LCOR: variants seen among roughly 807,000 people sequenced by gnomAD.
LCOR encodes the protein ligand-dependent corepressor.
Under a neutral mutation model 64.4 loss-of-function variants are expected in LCOR, and 14 were observed. The observed-to-expected ratio is 0.22, with a 90% CI of 0.14 to 0.34. The LOEUF (loss-of-function observed/expected upper bound fraction) is 0.34, where lower values mean the gene tolerates loss of function less well. LCOR is among the 10% of genes least tolerant of loss of function. The pLI is 1.00. For synonymous variants in LCOR, 643 were observed against 642.5 expected, an observed-to-expected ratio of 1.00 and a Z score of -0.01; for missense variants, 1,686 against 1,765.3, an observed-to-expected ratio of 0.96 and a Z score of 0.80.
intron 2 of LCOR, among the ~76,000 whole-genome samples, chr10:96,850,915 T>A (rs1462673431): frequency 6.6e-6 from 1 of 152,216 alleles, no homozygotes; most frequent in Admixed American, 6.5e-5. Flanking sequence ...AGAAAGATAC[T>A]GACTACAGCT....
chr10:96,984,052 A>C lies in LCOR; in HGVS notation c.3592A>C (p.Ile1198Leu). Residue 1198 changes from isoleucine (I) to leucine (L), a missense_variant, in exon 8 of 8, where the codon ATT (isoleucine) becomes CTT (leucine). Transcript: ENST00000421806. ...LETTETRSLV[I>L]VKKLNTRLPG... Reference sequence around the variant, plus strand: ...GACAACTGAAACCCGGTCTCTAGTCATTGTGAAGAAGCTCAATACTCGCCT... The same window carrying C: ...GACAACTGAAACCCGGTCTCTAGTCCTTGTGAAGAAGCTCAATACTCGCCT... The C allele has an allele frequency of 6.2e-7, 1 of 1,613,960 alleles. No individual in the cohort carries two copies. Among genetic ancestry groups the C allele is most frequent in the Non-Finnish European group, 8.5e-7 (1 of 1,179,956 alleles).
chr10:96,917,754 G>T (rs186061995), intron 4 of LCOR, among the ~76,000 whole-genome samples: 1 of 152,292 alleles, frequency 6.6e-6, no homozygotes, highest in South Asian at 2.1e-4. Context: ...AGAGATGTGC[G>T]TAGAGAATCT....
At chr10:96,956,172 T>C in intron 7 of LCOR, 1 of 1,275,126 alleles carries the variant, frequency 7.8e-7, no homozygotes. Flanking sequence ...TTGAGTTACC[T>C]CACAGAGAAC....
intron 4 of LCOR, chr10:96,915,856 C>A: frequency 2.0e-6 from 1 of 495,272 alleles, no homozygotes. Flanking sequence ...AGTCCTTTAA[C>A]TTGGCATTAT....
chr10:96,849,592 A>G (rs1160337922), intron 2 of LCOR, among the ~76,000 whole-genome samples: 1 of 152,194 alleles, frequency 6.6e-6, no homozygotes, highest in Admixed American at 6.5e-5. Flanking sequence ...GTAACACCAT[A>G]AGTGGATAAT....
At chr10:96,958,906 T>TAAAAAAAAAAAAAAAA (rs74784568) in intron 7 of LCOR, 6 of 103,880 alleles carry the variant, frequency 5.8e-5, no homozygotes, top group African/African-American at 9.5e-5. Flanking sequence ...AAGAAAAACT[T>TAAAAAAAAAAAAAAAA]AAAAAAAAAA....
chr10:96,955,878 C>T, intron 7 of LCOR: 1 of 1,614,002 alleles, frequency 6.2e-7, no homozygotes, highest in Non-Finnish European at 8.5e-7. Flanking sequence ...ATTAGATCCC[C>T]AGGGAGAGGC....
intron 2 of LCOR, among the ~76,000 whole-genome samples, chr10:96,848,501 T>C (rs150825550): frequency 8.5e-5 from 13 of 152,144 alleles, no homozygotes; most frequent in African/African-American, 2.6e-4. Context: ...CTACTAAAAA[T>C]ACAAAAATTA....
chr10:96,958,717 G>A (rs994113401), intron 7 of LCOR: 1 of 375,322 alleles, frequency 2.7e-6, no homozygotes, highest in African/African-American at 2.0e-5. Context: ...AGAAGCTTTT[G>A]AATAAGCATA....
intron 4 of LCOR, among the ~76,000 whole-genome samples, chr10:96,931,440 C>T (rs553139556): frequency 4.4e-4 from 67 of 151,730 alleles, no homozygotes; most frequent in Non-Finnish European, 7.4e-4. Context: ...TTCACCATGT[C>T]GGCCAGGCTG....
chr10:96,912,745 A>T (rs1032637651), intron 4 of LCOR, among the ~76,000 whole-genome samples: 3 of 150,904 alleles, frequency 2.0e-5, no homozygotes, highest in Non-Finnish European at 4.4e-5. Context: ...CTAGTTTTTC[A>T]TGCACTAATT....
chr10:96,969,611 T>C (rs922443713), intron 7 of LCOR, among the ~76,000 whole-genome samples: 2 of 152,196 alleles, frequency 1.3e-5, no homozygotes, highest in Non-Finnish European at 2.9e-5. Flanking sequence ...AATGTGTATG[T>C]TTAATCATCA....
intron 2 of LCOR, among the ~76,000 whole-genome samples, chr10:96,879,567 A>G (rs1846226159): frequency 6.6e-6 from 1 of 152,206 alleles, no homozygotes; most frequent in Non-Finnish European, 1.5e-5. Context: ...ATTATATCTC[A>G]TGGTGCTCTT....
At chr10:96,842,642 T>G (rs1272729287) in intron 2 of LCOR, among the ~76,000 whole-genome samples, 1 of 150,262 alleles carries the variant, frequency 6.7e-6, no homozygotes, top group Non-Finnish European at 1.5e-5. Flanking sequence ...CTTTTTTTTT[T>G]TTTTTTGAGA....
intron 4 of LCOR, among the ~76,000 whole-genome samples, chr10:96,909,191 A>G (rs1246644845): frequency 6.6e-6 from 1 of 152,010 alleles, no homozygotes; most frequent in Non-Finnish European, 1.5e-5. Context: ...TCACCCCTCA[A>G]ATGGTGTAGA....
At chr10:96,864,123 C>T (rs981881395) in intron 2 of LCOR, among the ~76,000 whole-genome samples, 2 of 152,020 alleles carry the variant, frequency 1.3e-5, no homozygotes, top group African/African-American at 2.4e-5. Flanking sequence ...TTAGAAACTC[C>T]GGAAGCACAT....
intron 2 of LCOR, among the ~76,000 whole-genome samples, chr10:96,882,488 C>T (rs1846279362): frequency 6.6e-6 from 1 of 152,068 alleles, no homozygotes; most frequent in South Asian, 2.1e-4. Flanking sequence ...AAGTAGTGTT[C>T]CTATATACCC....
intron 2 of LCOR, among the ~76,000 whole-genome samples, chr10:96,886,153 CA>C (rs932149494): frequency 2.0e-5 from 3 of 152,188 alleles, no homozygotes; most frequent in African/African-American, 7.2e-5. Flanking sequence ...GCTGGGATTA[CA>C]GGTATGAGCC....
intron 4 of LCOR, among the ~76,000 whole-genome samples, chr10:96,912,714 A>G (rs1213968477): frequency 2.1e-5 from 3 of 143,694 alleles, no homozygotes; most frequent in African/African-American, 7.8e-5. Context: ...TTTTGTAAAT[A>G]TCTTCTTTTT....
Sources: allele counts gnomAD v4.1 joint callset (sites outside exome capture counted in the v4.1 genomes callset), GRCh38; gene constraint gnomAD v4.1.1; transcripts MANE v1.5; gene names NCBI Gene and HGNC (gene_info 2026-07-23, HGNC 2026-07-21).